The following CTNNA2 variants were observed in gnomAD, a reference collection of about 807,000 sequenced individuals.
The protein encoded by CTNNA2 is catenin alpha 2, also known as catenin alpha-2.
A neutral mutation model predicts 101.0 loss-of-function variants in CTNNA2; 42 were observed. The observed-to-expected ratio is 0.42, with a 90% CI of 0.32 to 0.54. CTNNA2 has a LOEUF of 0.54. Ranked by LOEUF, CTNNA2 falls within the 20% of genes least tolerant of loss-of-function variation. The pLI, the probability that CTNNA2 is intolerant of heterozygous loss-of-function variation, is 0.14. For missense variants in CTNNA2, 871 were observed against 1,223.1 expected, an observed-to-expected ratio of 0.71 and a Z score of 4.29; for synonymous variants, 450 against 456.4, an observed-to-expected ratio of 0.99 and a Z score of 0.18.
chr2:80,536,747 G>A (rs1691059646), intron 9 of CTNNA2, among the ~76,000 whole-genome samples: 1 of 152,178 alleles, frequency 6.6e-6, no homozygotes, highest in African/African-American at 2.4e-5. Flanking sequence ...GGCTTTTCTT[G>A]TGAGTGTTCA....
chr2:79,802,734 G>A (rs905420797), intron 3 of CTNNA2, among the ~76,000 whole-genome samples: 3 of 152,258 alleles, frequency 2.0e-5, no homozygotes. Context: ...GATTGACTGT[G>A]TGTTCACTGA....
intron 3 of CTNNA2, among the ~76,000 whole-genome samples, chr2:79,793,888 G>GCGCACA (rs1553469157): frequency 3.5e-5 from 5 of 142,624 alleles, no homozygotes; most frequent in African/African-American, 1.3e-4. Context: ...ACACACTCAT[G>GCGCACA]CACACACACA....
intron 7 of CTNNA2, among the ~76,000 whole-genome samples, chr2:80,036,080 C>G (rs1485026554): frequency 6.6e-6 from 1 of 152,110 alleles, no homozygotes; most frequent in East Asian, 1.9e-4. Context: ...GAACTGGGGC[C>G]CCTCCTACCC....
intron 2 of CTNNA2, among the ~76,000 whole-genome samples, chr2:79,233,682 G>GT (rs1410277397): frequency 2.0e-5 from 3 of 151,912 alleles, no homozygotes; most frequent in Non-Finnish European, 2.9e-5. Flanking sequence ...GTGTGGCTAA[G>GT]TTTTTTTATA....
At chr2:79,829,502 A>G (rs1331325502) in intron 3 of CTNNA2, among the ~76,000 whole-genome samples, 1 of 151,216 alleles carries the variant, frequency 6.6e-6, no homozygotes, top group Non-Finnish European at 1.5e-5. Context: ...CTCGGGAGAC[A>G]GAGGTTTCAG....
chr2:80,351,256 T>A (rs1673264187), intron 7 of CTNNA2, among the ~76,000 whole-genome samples: 1 of 152,070 alleles, frequency 6.6e-6, no homozygotes, highest in Non-Finnish European at 1.5e-5. Flanking sequence ...TTTCCCCACA[T>A]AGGCAGAGTG....
At chr2:80,100,071 A>C (rs1002903583) in intron 7 of CTNNA2, among the ~76,000 whole-genome samples, 31 of 152,148 alleles carry the variant, frequency 2.0e-4, no homozygotes, top group Non-Finnish European at 4.1e-4. Flanking sequence ...CTGGGATTAC[A>C]GGTGCCTGCC....
chr2:79,998,370 A>T (rs1217378607), intron 7 of CTNNA2, among the ~76,000 whole-genome samples: 1 of 152,206 alleles, frequency 6.6e-6, no homozygotes, highest in African/African-American at 2.4e-5. Context: ...TAAATGATAG[A>T]CAATGAATAA....
At chr2:79,711,518 A>G (rs769117271) in intron 2 of CTNNA2, among the ~76,000 whole-genome samples, 2 of 152,206 alleles carry the variant, frequency 1.3e-5, no homozygotes, top group Non-Finnish European at 2.9e-5. Flanking sequence ...GCAGGTCTTC[A>G]TAACTTTCCC....
chr2:80,460,965 A>G (rs1255761030), intron 9 of CTNNA2, among the ~76,000 whole-genome samples: 5 of 152,164 alleles, frequency 3.3e-5, no homozygotes, highest in African/African-American at 7.2e-5. Context: ...TGTTGACTCT[A>G]CCGTTCCAGG....
intron 7 of CTNNA2, among the ~76,000 whole-genome samples, chr2:80,200,951 C>T (rs1707167894): frequency 1.3e-5 from 2 of 151,970 alleles, no homozygotes; most frequent in South Asian, 2.1e-4. Context: ...TACAATCATC[C>T]CTAAGTATTC....
intron 2 of CTNNA2, among the ~76,000 whole-genome samples, chr2:79,238,016 G>A (rs976397556): frequency 1.3e-5 from 2 of 152,128 alleles, no homozygotes; most frequent in South Asian, 2.1e-4. Flanking sequence ...CATTCACAAC[G>A]TGGCTAGCTG....
rs564093556 is a variant in CTNNA2, at chr2:80,537,584, G to T, written c.1291-7398G>T. On this transcript the variant is annotated intron_variant, in intron 9 of 18. Transcript: ENST00000402739. Reference sequence around the variant, plus strand: ...TTTCTCCACAGCCTCGCAAGCATCTGTTGTTTCCTGACTTTTTTTTTTTTT... The same window carrying T: ...TTTCTCCACAGCCTCGCAAGCATCTTTTGTTTCCTGACTTTTTTTTTTTTT... Among the ~76,000 whole-genome samples, 9 of 150,388 alleles carry T rather than the reference G, an allele frequency of 6.0e-5. No homozygotes were observed. In the East Asian group the frequency reaches 1.8e-3, roughly 30 times the overall value.
At chr2:80,335,680 C>T (rs1382314828) in intron 7 of CTNNA2, among the ~76,000 whole-genome samples, 3 of 152,162 alleles carry the variant, frequency 2.0e-5, no homozygotes, top group Non-Finnish European at 2.9e-5. Flanking sequence ...CAGAAAGGCA[C>T]ATTAGAGCTT....
At chr2:80,430,496 T>C (rs1681394168) in intron 9 of CTNNA2, among the ~76,000 whole-genome samples, 1 of 152,210 alleles carries the variant, frequency 6.6e-6, no homozygotes. Context: ...GTCCATGTTC[T>C]TTCTCCTGTT....
intron 1 of CTNNA2, among the ~76,000 whole-genome samples, chr2:79,612,649 T>G (rs1274405400): frequency 1.3e-5 from 2 of 152,186 alleles, no homozygotes; most frequent in Non-Finnish European, 2.9e-5. Flanking sequence ...GCTCTGTTTC[T>G]AATGACTTAA....
At chr2:80,099,183 A>G (rs1250789144) in intron 7 of CTNNA2, among the ~76,000 whole-genome samples, 2 of 152,028 alleles carry the variant, frequency 1.3e-5, no homozygotes, top group Non-Finnish European at 2.9e-5. Context: ...ATGGTGGTTA[A>G]AAAACACAGA....
intron 12 of CTNNA2, among the ~76,000 whole-genome samples, chr2:80,567,634 C>G (rs562870950): frequency 1.9e-4 from 29 of 152,222 alleles, no homozygotes; most frequent in Non-Finnish European, 4.1e-4. Context: ...GAAATAACAT[C>G]AAACATCACT....
At chr2:80,008,456 A>G (rs1693532829) in intron 7 of CTNNA2, among the ~76,000 whole-genome samples, 1 of 152,166 alleles carries the variant, frequency 6.6e-6, no homozygotes, top group Admixed American at 6.5e-5. Context: ...GCATTGGTAG[A>G]TATCTACTGA....
Sources: gnomAD v4.1 joint callset for allele counts (sites outside exome capture counted in the v4.1 genomes callset) on GRCh38, gnomAD v4.1.1 for gene constraint, MANE v1.5 for transcripts, NCBI Gene and HGNC (gene_info 2026-07-23, HGNC 2026-07-21) for gene names.